Variants in ASTN2 observed in about 807,000 individuals in gnomAD.
The protein encoded by ASTN2 is astrotactin-2.
Under a neutral mutation model 139.8 loss-of-function variants are expected in ASTN2, and 54 were observed. The ratio of observed to expected loss-of-function variants is 0.39; its 90% confidence interval spans 0.31 to 0.48. The LOEUF (loss-of-function observed/expected upper bound fraction) is 0.48. Ranked by LOEUF, ASTN2 falls within the 20% of genes least tolerant of loss-of-function variation. The pLI, the probability that ASTN2 is intolerant of heterozygous loss-of-function variation, is 0.95. For missense variants in ASTN2, 1,565 were observed against 1,725.1 expected (o/e 0.91, Z 1.64); for synonymous variants, 756 against 719.5 (o/e 1.05, Z -0.81).
At position 116,565,377 on chromosome 9, in the gene ASTN2, CTCTCTCTCTCCATATATATATATATATA is replaced by C. The variant is rs1323038908; in HGVS notation, c.3355+52919_3355+52946del. Among the ~76,000 whole-genome samples, 266 of 33,154 alleles carry C rather than the reference CTCTCTCTCTCCATATATATATATATATA, an allele frequency of 8.0e-3. 10 individuals are homozygous for C. The highest frequency in any genetic ancestry group is 0.033 in the African/African-American group (246 of 7,464). The allele number at this position is 33,154 out of a possible 152,430, so 21.8% of individuals were successfully genotyped here. The stretch of plus-strand genomic sequence containing the variant: ...TCTCTCTCTCTCTCTCTCTCTCTCT[CTCTCTCTCTCCATATATATATATATATA>C]TATATATATATATATATATATATAT... On this transcript the variant is annotated intron_variant, in intron 19 of 22. Transcript: ENST00000313400.
chr9:116,745,475 G>C (rs756507348), intron 13 of ASTN2, among the ~76,000 whole-genome samples: 29 of 152,192 alleles, frequency 1.9e-4, no homozygotes. Context: ...ATATCCTTCT[G>C]TTTCCACAGC....
intron 11 of ASTN2, among the ~76,000 whole-genome samples, chr9:116,837,071 A>T (rs1456464479): frequency 6.6e-6 from 1 of 152,114 alleles, no homozygotes; most frequent in Non-Finnish European, 1.5e-5. Context: ...TGGCAGAGGA[A>T]TAAAGTGATT....
intron 1 of ASTN2, among the ~76,000 whole-genome samples, chr9:117,297,090 T>C (rs966625106): frequency 6.6e-6 from 1 of 152,164 alleles, no homozygotes; most frequent in African/African-American, 2.4e-5. Flanking sequence ...ATTAAGAAAA[T>C]AAGCAGCTCT....
intron 2 of ASTN2, among the ~76,000 whole-genome samples, chr9:117,240,231 T>A (rs1379053471): frequency 6.6e-6 from 1 of 151,840 alleles, no homozygotes; most frequent in Non-Finnish European, 1.5e-5. Context: ...GTGAGAAGAG[T>A]TGGGATACCA....
At chr9:116,634,049 G>C (rs1300534608) in intron 17 of ASTN2, among the ~76,000 whole-genome samples, 1 of 152,086 alleles carries the variant, frequency 6.6e-6, no homozygotes, top group Non-Finnish European at 1.5e-5. Context: ...CAGACTCCTG[G>C]GTTCAAATTC....
chr9:116,651,643 G>A lies in ASTN2; in HGVS notation c.2957C>T (p.Thr986Ile), dbSNP rs761294684. The A allele has an allele frequency of 1.2e-6, 2 of 1,614,168 alleles. No individual in the cohort carries two copies. Among genetic ancestry groups the A allele is most frequent in the South Asian group, 1.1e-5 (1 of 91,076 alleles). The change falls in exon 17 of 23, where the codon ACC becomes ATC. Residue 986 changes from threonine (T) to isoleucine (I), a missense_variant. Thr to Ile is a moderately conservative substitution (Grantham distance 89). Coordinates refer to ENST00000313400, the MANE Select transcript of ASTN2 (RefSeq NM_001365068.1). ...RCEEKGRCPS[T>I]CHLCRRPGKE... ...GCCTGGCCGGCGGCAAAGGTGACAG[G>A]TAGATGGACAGCGCCCCTTCTCCTC...
chr9:117,115,255 A>G (rs1204120295), intron 4 of ASTN2, among the ~76,000 whole-genome samples: 1 of 152,148 alleles, frequency 6.6e-6, no homozygotes, highest in East Asian at 1.9e-4. Flanking sequence ...GATGGCTCAC[A>G]CCTGTAATCC....
rs7852940 is a variant in ASTN2 at position 116,852,949 on chromosome 9, C to T, written c.2040+10634G>A. On this transcript the variant is annotated intron_variant, in intron 11 of 22. Transcript: ENST00000313400. ...AGATCAAGCTAGGAAGTCAGTTGTC[C>T]TAAAAAGAAAAAAAAATTGGAAAAG... 6.1e-3 allele frequency among the ~76,000 whole-genome samples: 913 copies of T among 148,830 alleles called. 8 individuals carry two copies. The highest frequency in any genetic ancestry group is 0.021 in the African/African-American group (856 of 40,258).
chr9:117,112,832 C>A (rs546927608), intron 4 of ASTN2, among the ~76,000 whole-genome samples: 2 of 151,960 alleles, frequency 1.3e-5, no homozygotes. Flanking sequence ...GCTACATAAT[C>A]GGGGAAAATA....
In ASTN2 at chr9:116,897,787, C is replaced by T. The variant is rs559551758; in HGVS notation, c.1890-34054G>A. On this transcript the variant is annotated intron_variant, in intron 10 of 22. Transcript: ENST00000313400. ...ATTTAAAAAAAACAAGCACACATTA[C>T]AGCATTCCTATGGGTAGGTTACATA... Among the ~76,000 whole-genome samples the T allele has an allele frequency of 2.9e-4, 44 of 151,796 alleles. No homozygotes were observed. In the East Asian group the frequency reaches 8.3e-3, roughly 29 times the overall value.
rs372277811 is a variant in ASTN2, at chr9:117,048,963, CT to C, written c.1277-8999del. On this transcript the variant is annotated intron_variant, in intron 5 of 22. Coordinates refer to ENST00000313400, the MANE Select transcript of ASTN2 (RefSeq NM_001365068.1). ...GTGCGCTCTGATTCTTCATCCATTG[CT>C]TTTTTTTTTTTTTTTTGAGACGGAG... Among the ~76,000 whole-genome samples the C allele has an allele frequency of 8.7e-3, 777 of 89,020 alleles. 49 individuals are homozygous for C. Among genetic ancestry groups the C allele is most frequent in the East Asian group, 0.07 (196 of 2,784 alleles). The allele number at this position is 89,020 out of a possible 152,430, so 58.4% of individuals were successfully genotyped here.
At chr9:117,261,579 C>T (rs1047157929) in intron 2 of ASTN2, among the ~76,000 whole-genome samples, 3 of 152,064 alleles carry the variant, frequency 2.0e-5, no homozygotes, top group Admixed American at 1.3e-4. Context: ...TGTTGAACTC[C>T]AAAGTCTGAA....
intron 19 of ASTN2, among the ~76,000 whole-genome samples, chr9:116,593,299 G>A (rs1047122778): frequency 1.3e-5 from 2 of 152,220 alleles, no homozygotes; most frequent in Non-Finnish European, 2.9e-5. Context: ...CTGGGCGTGG[G>A]CCGAAGGCAT....
At chr9:116,600,129 C>A (rs1473245801) in intron 19 of ASTN2, among the ~76,000 whole-genome samples, 2 of 151,950 alleles carry the variant, frequency 1.3e-5, no homozygotes, top group Non-Finnish European at 2.9e-5. Context: ...TTGGGACCAG[C>A]CTGGGCAACA....
At chr9:116,445,611 G>A (rs1482952334) in intron 20 of ASTN2, among the ~76,000 whole-genome samples, 1 of 152,160 alleles carries the variant, frequency 6.6e-6, no homozygotes, top group Non-Finnish European at 1.5e-5. Context: ...GGAAGAAGTG[G>A]TCTTAGGTAT....
rs935014223 is a variant in ASTN2, at chr9:116,487,554, C to T, written c.3356-54G>A. On this transcript the variant is annotated intron_variant, in intron 19 of 22. Transcript: ENST00000313400. ...CCCAGCTCAGGCCATAGTGAGGAGA[C>T]GTTTTTGCTGTCATCCAAACCTATC... The T allele has an allele frequency of 2.1e-5, 32 of 1,554,338 alleles. No individual in the cohort carries two copies. The East Asian group carries it at 2.3e-4, about 11-fold the overall frequency.
intron 16 of ASTN2, among the ~76,000 whole-genome samples, chr9:116,708,490 C>A (rs925502764): frequency 9.9e-5 from 15 of 152,206 alleles, no homozygotes; most frequent in African/African-American, 2.7e-4. Flanking sequence ...AGCCTGCAGA[C>A]AAGATCTTGA....
At chr9:117,298,064 G>A (rs1219852392) in intron 1 of ASTN2, among the ~76,000 whole-genome samples, 1 of 152,138 alleles carries the variant, frequency 6.6e-6, no homozygotes, top group Non-Finnish European at 1.5e-5. Flanking sequence ...TGGCTACCAG[G>A]ATGAAATTTC....
intron 6 of ASTN2, among the ~76,000 whole-genome samples, chr9:117,029,621 A>G (rs529968551): frequency 6.6e-6 from 1 of 151,972 alleles, no homozygotes; most frequent in South Asian, 2.1e-4. Flanking sequence ...TCTCCACCCC[A>G]GTATCTGAGC....
Sources: allele counts gnomAD v4.1 joint callset (sites outside exome capture counted in the v4.1 genomes callset), GRCh38; gene constraint gnomAD v4.1.1; transcripts MANE v1.5; gene names NCBI Gene and HGNC (gene_info 2026-07-23, HGNC 2026-07-21).